Variants in AKAP13 observed in about 807,000 individuals in gnomAD.
The protein encoded by AKAP13 is A-kinase anchoring protein 13.
AKAP13 carries 80 observed loss-of-function variants against 264.5 expected under a neutral mutation model. The ratio of observed to expected loss-of-function variants is 0.30; its 90% CI spans 0.25 to 0.36. The LOEUF is 0.36. Ranked by LOEUF, AKAP13 falls within the 10% of genes least tolerant of loss-of-function variation. AKAP13 has a pLI of 1.00. For missense variants in AKAP13, 3,712 were observed against 3,435.2 expected, an observed-to-expected ratio of 1.08 and a Z score of -2.01; for synonymous variants, 1,380 against 1,250.2, an observed-to-expected ratio of 1.10 and a Z score of -2.19.
intron 1 of AKAP13, among the ~76,000 whole-genome samples, chr15:85,457,763 T>C (rs1440446265): frequency 6.6e-6 from 1 of 152,214 alleles, no homozygotes. Flanking sequence ...TGTTTGACCT[T>C]TCTAAGCCAG....
intron 8 of AKAP13, chr15:85,620,287 G>T: frequency 1.1e-6 from 1 of 943,730 alleles, no homozygotes; most frequent in Non-Finnish European, 1.6e-6. Context: ...AGAAATCTGT[G>T]CACAGTGGAG....
At chr15:85,702,812 C>CT (rs1348012308) in intron 17 of AKAP13, 24 of 152,184 alleles carry the variant, frequency 1.6e-4, no homozygotes, top group African/African-American at 5.6e-4. Context: ...CTTTTCAACT[C>CT]TTATTTCTCT....
At chr15:85,471,497 AAAAC>A (rs567342678) in intron 1 of AKAP13, among the ~76,000 whole-genome samples, 113 of 152,292 alleles carry the variant, frequency 7.4e-4, no homozygotes, top group Non-Finnish European at 9.6e-4. Context: ...TCCGTCTCAA[AAAAC>A]AAACAAACAA....
intron 1 of AKAP13, among the ~76,000 whole-genome samples, chr15:85,464,142 C>T (rs2074634136): frequency 6.6e-6 from 1 of 152,128 alleles, no homozygotes; most frequent in Admixed American, 6.5e-5. Context: ...TCTGGCATGC[C>T]TTCCTCTTTT....
At chr15:85,649,704 T>C (rs538854512) in intron 10 of AKAP13, among the ~76,000 whole-genome samples, 1 of 152,240 alleles carries the variant, frequency 6.6e-6, no homozygotes, top group African/African-American at 2.4e-5. Flanking sequence ...TGTTATGAGC[T>C]TCACGTTTAT....
chr15:85,538,376 A>G (rs1254241156), intron 4 of AKAP13, among the ~76,000 whole-genome samples: 3 of 152,170 alleles, frequency 2.0e-5, no homozygotes, highest in East Asian at 1.9e-4. Flanking sequence ...TGCAGTAAGA[A>G]CAGCCTGTGT....
At chr15:85,472,779 C>T (rs1399308210) in intron 1 of AKAP13, among the ~76,000 whole-genome samples, 3 of 152,140 alleles carry the variant, frequency 2.0e-5, no homozygotes, top group Non-Finnish European at 4.4e-5. Flanking sequence ...AAAATACAGA[C>T]CTGGTGCTTT....
chr15:85,708,930 G>T lies in AKAP13; in HGVS notation c.5532+844G>T, dbSNP rs1258618138. 6.6e-6 allele frequency among the ~76,000 whole-genome samples: 1 copy of T among 152,172 alleles called. No individual in the cohort carries two copies. The highest frequency in any genetic ancestry group is 2.4e-5 in the African/African-American group (1 of 41,434). On this transcript the variant is annotated intron_variant, in intron 18 of 36. Transcript: ENST00000394518. This position sits in a 1 kb window ranked among gnomAD's most constrained non-coding sequence, Gnocchi z 4.3. The stretch of plus-strand genomic sequence containing the variant: ...ACTCCCAGAGTCTCAGATTCTGGGG[G>T]AGAGTCCAGGAATTTGCATTTCTAG...
chr15:85,698,418 T>C (rs1460009226), intron 17 of AKAP13, among the ~76,000 whole-genome samples: 7 of 142,822 alleles, frequency 4.9e-5, no homozygotes, highest in Admixed American at 1.4e-4. Flanking sequence ...TGAGCCGAGA[T>C]TGAGCCACTA....
intron 10 of AKAP13, among the ~76,000 whole-genome samples, chr15:85,648,921 C>T (rs1260167575): frequency 6.6e-6 from 1 of 152,220 alleles, no homozygotes; most frequent in South Asian, 2.1e-4. Context: ...CTTTCACCTC[C>T]TCATGCATGC....
At position 85,743,721 on chromosome 15, in the gene AKAP13, C is replaced by T. The variant is rs753869695; in HGVS notation, c.8288C>T (p.Ala2763Val). Reference sequence around the variant, plus strand: ...AAAGGACCAGAAGGGCAGAGCCAGGCCCCTGCGTCCACCTCTGCCTCTACC... The same window carrying T: ...AAAGGACCAGAAGGGCAGAGCCAGGTCCCTGCGTCCACCTCTGCCTCTACC... ...TNKGPEGQSQ[A>V]PASTSASTRL... The change falls in exon 36 of 37, where the codon GCC (alanine) becomes GTC (valine). Residue 2763 changes from alanine to valine, a missense_variant. Physicochemically the swap from Ala to Val is moderately conservative, Grantham distance 64. Coordinates refer to ENST00000394518, the MANE Select transcript of AKAP13 (RefSeq NM_007200.5). 1.9e-6 allele frequency: 3 copies of T among 1,614,038 alleles called. No homozygotes were observed. The highest frequency in any genetic ancestry group is 1.7e-5 in the Admixed American group (1 of 59,994).
In AKAP13 at chr15:85,505,665, G is replaced by C. The variant is rs916977763; in HGVS notation, c.34-15763G>C. Among the ~76,000 whole-genome samples, 4 of 152,082 alleles carry C rather than the reference G, an allele frequency of 2.6e-5. No individual in the cohort carries two copies. In the South Asian group the frequency reaches 8.3e-4, roughly 32 times the overall value. Reference sequence around the variant, plus strand: ...TAAATTTCTTGGTGGATTTCTATTCGTGTTGCATGAGATACTTTGAGGTGT... The same window carrying C: ...TAAATTTCTTGGTGGATTTCTATTCCTGTTGCATGAGATACTTTGAGGTGT... On this transcript the variant is annotated intron_variant, in intron 2 of 36. Transcript: ENST00000394518.
chr15:85,528,747 C>G (rs1417159966), intron 3 of AKAP13, among the ~76,000 whole-genome samples: 3 of 151,964 alleles, frequency 2.0e-5, no homozygotes, highest in Non-Finnish European at 1.5e-5. Flanking sequence ...TTATATTTGT[C>G]TTGTAAGTGG....
chr15:85,559,077 T>C (rs2078255781), intron 5 of AKAP13, among the ~76,000 whole-genome samples: 1 of 152,144 alleles, frequency 6.6e-6, no homozygotes, highest in Admixed American at 6.5e-5. Flanking sequence ...TTGTAAGCAA[T>C]TCTCTTTTTT....
chr15:85,563,326 C>CCTGT (rs746701868), intron 5 of AKAP13, among the ~76,000 whole-genome samples: 16 of 83,310 alleles, frequency 1.9e-4, no homozygotes, highest in South Asian at 3.7e-4. Flanking sequence ...GTAGAATGTG[C>CCTGT]TTGTTTTTTT....
intron 3 of AKAP13, among the ~76,000 whole-genome samples, chr15:85,524,992 G>A (rs763097655): frequency 2.4e-4 from 36 of 151,456 alleles, no homozygotes; most frequent in Non-Finnish European, 4.0e-4. Flanking sequence ...TATTTTAAGC[G>A]TAAGTAGTAA....
intron 3 of AKAP13, among the ~76,000 whole-genome samples, chr15:85,529,189 A>C (rs958132595): frequency 6.6e-6 from 1 of 152,184 alleles, no homozygotes; most frequent in South Asian, 2.1e-4. Context: ...TGGGAGGCCT[A>C]GGCGGGCGGA....
chr15:85,486,277 G>A (rs1424557796), intron 2 of AKAP13, among the ~76,000 whole-genome samples: 1 of 150,248 alleles, frequency 6.7e-6, no homozygotes. Context: ...ATAATGTTTT[G>A]TTGTTGCTTT....
intron 10 of AKAP13, among the ~76,000 whole-genome samples, chr15:85,649,527 C>T (rs1322871835): frequency 6.6e-6 from 1 of 152,226 alleles, no homozygotes; most frequent in African/African-American, 2.4e-5. Flanking sequence ...GACATTGCAA[C>T]ATCTTTTTCT....
Sources: gnomAD v4.1 joint callset for allele counts (sites outside exome capture counted in the v4.1 genomes callset) on GRCh38, gnomAD v4.1.1 for gene constraint, Gnocchi (gnomAD v3.1) non-coding constraint, MANE v1.5 for transcripts, NCBI Gene and HGNC (gene_info 2026-07-23, HGNC 2026-07-21) for gene names.